Variants in PROSER1 observed in about 807,000 individuals in gnomAD.
The protein encoded by PROSER1 is proline and serine rich 1, also known as proline and serine-rich protein 1.
In PROSER1, 36 loss-of-function variants were observed where a neutral mutation model predicts 71.8. That is an observed-to-expected ratio of 0.50 (90% CI 0.38 to 0.66). PROSER1 has a LOEUF of 0.66. Among genes scored for constraint, PROSER1 ranks in the 30% least tolerant of loss-of-function variants. PROSER1 has a pLI of 0.00. For synonymous variants in PROSER1, 490 were observed against 452.4 expected (o/e 1.08, Z -1.06); for missense variants, 1,107 against 1,135.0 (o/e 0.98, Z 0.35).
At chr13:39,035,151 G>C (rs1407560148) in intron 1 of PROSER1, among the ~76,000 whole-genome samples, 1 of 151,998 alleles carries the variant, frequency 6.6e-6, no homozygotes, top group Non-Finnish European at 1.5e-5. Context: ...AAATATCCTG[G>C]GTGCTCAGTA....
chr13:39,029,392 T>A lies in PROSER1; in HGVS notation c.181-17A>T. On this transcript the variant is annotated splice_polypyrimidine_tract_variant and intron_variant, in intron 3 of 12. Transcript: ENST00000352251. ...CACCATTTTCTGTTGATATAAAAAA[T>A]AATTTTATTTTTAACGTGAAATTTT... 7.4e-7 allele frequency: 1 copy of A among 1,356,296 alleles called. No homozygotes were observed. The highest frequency in any genetic ancestry group is 9.8e-7 in the Non-Finnish European group (1 of 1,016,282). 84.0% of individuals were successfully genotyped at this position (1,356,296 alleles called of 1,614,324 possible).
chr13:39,011,047 TAA>T lies in PROSER1; in HGVS notation c.*316_*317del, dbSNP rs1869619685. On this transcript the variant is annotated 3_prime_UTR_variant, in exon 13 of 13. Transcript: ENST00000352251. ...GCATATTTAAGGCTGTATTCGGCTA[TAA>T]AGAGTTCAACCTACTCTTTAATATT... 4.2e-6 allele frequency: 1 copy of T among 240,352 alleles called. No individual in the cohort carries two copies. Among genetic ancestry groups the T allele is most frequent in the Non-Finnish European group, 8.1e-6 (1 of 123,152 alleles). The allele number at this position is 240,352 out of a possible 1,614,324, so 14.9% of individuals were successfully genotyped here.
Position 39,012,828 on chromosome 13 carries a change from C to A in PROSER1, c.2424G>T (p.Gly808=). The A allele has an allele frequency of 2.5e-6, 4 of 1,614,046 alleles. No homozygotes were observed. In the South Asian group the frequency reaches 4.4e-5, roughly 18 times the overall value. The change falls in exon 11 of 13, where the codon GGG becomes GGT. Residue 808 remains glycine, a synonymous_variant. Transcript: ENST00000352251. The part of the protein sequence containing the change: ...SVTPALPSFP[G]LQAPSTVAAV... The stretch of plus-strand genomic sequence containing the variant: ...CTGCGACTGTAGAGGGCGCCTGCAG[C>A]CCCGGGAATGAGGGAAGAGCAGGGG...
Position 39,012,958 on chromosome 13 carries a change from T to C in PROSER1, c.2294A>G (p.Asn765Ser), listed in dbSNP as rs756392723. 15 of 1,613,698 alleles carry C rather than the reference T, an allele frequency of 9.3e-6. No homozygotes were observed. The highest frequency in any genetic ancestry group is 5.3e-5 in the African/African-American group (4 of 74,786). The change falls in exon 11 of 13, where the codon AAC (asparagine) becomes AGC (serine). Residue 765 changes from asparagine to serine, a missense_variant. By Grantham distance (46) the Asn-to-Ser change is conservative. Transcript: ENST00000352251. ...AAGTGAGGGAACAGCAGTGGACAGG[T>C]TGAGGGGGAAAGGTGCTGCTGAGAC... ...APVSAAPFPL[N>S]LSTAVPSLFS...
At position 39,026,404 on chromosome 13, in the gene PROSER1, A is replaced by T. The variant is rs1870548028; in HGVS notation, c.370-17T>A. The T allele has an allele frequency of 1.9e-6, 3 of 1,543,910 alleles. No individual in the cohort carries two copies. The highest frequency in any genetic ancestry group is 2.2e-5 in the East Asian group (1 of 44,458). ...CTTGAAAGCCTGTAATATAAGAAAG[A>T]AGAGGGGTAGGAAAAAAATTCTTAA... On this transcript the variant is annotated splice_polypyrimidine_tract_variant and intron_variant, in intron 5 of 12. Transcript: ENST00000352251.
At chr13:39,019,531 A>AG (rs1870188325) in intron 9 of PROSER1, among the ~76,000 whole-genome samples, 2 of 150,594 alleles carry the variant, frequency 1.3e-5, no homozygotes, top group Non-Finnish European at 3.0e-5. Context: ...AAAAAAAAAA[A>AG]AAAAAAAAAG....
At chr13:39,026,244 A>C (rs1299780862) in intron 6 of PROSER1, 33 bp downstream of exon 6, 2 of 1,325,858 alleles carry the variant, frequency 1.5e-6, no homozygotes, top group Non-Finnish European at 2.2e-6. Flanking sequence ...TAACCATGAG[A>C]AGTTTCATAT....
In PROSER1 at chr13:39,013,143, C is replaced by T. The variant is rs770502256; in HGVS notation, c.2109G>A (p.Leu703=). ...TGCCAGTTAAAGGAAAATTGTTGGT[C>T]AAAGAAGTAAAAGAAGGAAGAGCAG... ...VFTALPSFTS[L]TNNFPLTGNP... The change falls in exon 11 of 13, where the codon TTG becomes TTA. Residue 703 remains leucine (L), a synonymous_variant. Coordinates refer to ENST00000352251, the MANE Select transcript of PROSER1 (RefSeq NM_025138.5). The T allele has an allele frequency of 3.1e-6, 5 of 1,613,836 alleles. No individual in the cohort carries two copies. The South Asian group carries it at 5.5e-5, about 18-fold the overall frequency.
intron 9 of PROSER1, chr13:39,017,753 C>A: frequency 2.3e-6 from 1 of 425,660 alleles, no homozygotes; most frequent in Non-Finnish European, 4.1e-6. Flanking sequence ...ATCTGAAGAG[C>A]AAGAGGATTA....
At chr13:39,017,462 C>T in intron 10 of PROSER1, 38 bp downstream of exon 10, 1 of 1,315,904 alleles carries the variant, frequency 7.6e-7, no homozygotes, top group Non-Finnish European at 1.1e-6. Flanking sequence ...CAAACCATGA[C>T]AGATATCCGT....
At chr13:39,034,337 G>T in intron 1 of PROSER1, 141 bp from the exon 2 acceptor site, 1 of 541,800 alleles carries the variant, frequency 1.8e-6, no homozygotes, top group Non-Finnish European at 3.1e-6. Flanking sequence ...AGGAACTAAG[G>T]TCACTGTGGT....
intron 7 of PROSER1, chr13:39,023,726 G>A (rs1449269784): frequency 2.6e-5 from 4 of 152,412 alleles, no homozygotes; most frequent in Non-Finnish European, 4.4e-5. Flanking sequence ...ACAGTTGATG[G>A]AGCTTACCTA....
rs745774592 is a variant in PROSER1 at position 39,014,023 on chromosome 13, G to C, written c.1229C>G (p.Thr410Ser). Reference protein sequence around the residue: ...SAPFTSLPFSTSSSAASTSNP... With the variant: ...SAPFTSLPFSSSSSAASTSNP... ...GCTGGTAGAAGCAGCAGAAGAGCTG[G>C]TGGAAAAGGGGAGGCTAGTGAAAGG... is the stretch of plus-strand genomic sequence containing the variant. The change falls in exon 11 of 13, where the codon ACC becomes AGC. Residue 410 changes from threonine (T) to serine (S), a missense_variant. Physicochemically the swap from Thr to Ser is moderately conservative, Grantham distance 58. Coordinates refer to ENST00000352251, the MANE Select transcript of PROSER1 (RefSeq NM_025138.5). 29 of 1,614,028 alleles carry C rather than the reference G, an allele frequency of 1.8e-5. No individual in the cohort carries two copies. Among genetic ancestry groups the C allele is most frequent in the Middle Eastern group, 1.6e-4 (1 of 6,084 alleles).
intron 2 of PROSER1, among the ~76,000 whole-genome samples, chr13:39,033,074 T>A (rs915618064): frequency 1.2e-4 from 18 of 152,268 alleles, no homozygotes; most frequent in African/African-American, 4.1e-4. Flanking sequence ...GCACCCGCCA[T>A]CATGCCCGGC....
intron 3 of PROSER1, 46 bp from the exon 4 acceptor site, chr13:39,029,421 G>T (rs755164830): frequency 8.2e-6 from 9 of 1,093,568 alleles, no homozygotes; most frequent in African/African-American, 1.6e-5. Flanking sequence ...AAATTTTCAT[G>T]CCAGAAATTA....
At chr13:39,031,779 T>A in intron 2 of PROSER1, 148 bp from the exon 3 acceptor site, 1 of 635,470 alleles carries the variant, frequency 1.6e-6, no homozygotes, top group Non-Finnish European at 2.8e-6. Context: ...GCTAACAGAA[T>A]AGCTATTATA....
Position 39,023,124 on chromosome 13 carries a change from A to G in PROSER1, c.571T>C (p.Ser191Pro), listed in dbSNP as rs1436071352. The change falls in exon 8 of 13, where the codon TCA becomes CCA. Residue 191 changes from serine to proline, a missense_variant. Coordinates refer to ENST00000352251, the MANE Select transcript of PROSER1 (RefSeq NM_025138.5). ...ACAGGTTTATGTGGATTATATGTTG[A>G]AGGAGGCTAAAACATGGGGGAAAAT... ...RILGPSKPPP[S>P]TYNPHKPVPY... is the part of the protein sequence containing the mutation. 4 of 1,611,742 alleles carry G rather than the reference A, an allele frequency of 2.5e-6. No homozygotes were observed. In the Admixed American group the frequency reaches 5.0e-5, roughly 20 times the overall value.
At chr13:39,014,787 G>A (rs1869930726) in intron 10 of PROSER1, among the ~76,000 whole-genome samples, 2 of 152,114 alleles carry the variant, frequency 1.3e-5, no homozygotes, top group Non-Finnish European at 2.9e-5. Flanking sequence ...TATTTTAATT[G>A]TGATTAGTGC....
chr13:39,031,453 G>T, intron 3 of PROSER1, 110 bp downstream of exon 3: 1 of 790,214 alleles, frequency 1.3e-6, no homozygotes, highest in African/African-American at 1.8e-5. Flanking sequence ...ATAACACATA[G>T]AGTTCGCTTT....
Sources: allele counts gnomAD v4.1 joint callset (sites outside exome capture counted in the v4.1 genomes callset), GRCh38; gene constraint gnomAD v4.1.1; transcripts MANE v1.5; gene names NCBI Gene and HGNC (gene_info 2026-07-23, HGNC 2026-07-21).